CLSTN2: variants seen among roughly 807,000 people sequenced by gnomAD.
The protein encoded by CLSTN2 is calsyntenin-2.
A neutral mutation model predicts 101.2 loss-of-function variants in CLSTN2; 48 were observed. That is an observed-to-expected ratio of 0.47 (90% CI 0.38 to 0.60). The LOEUF (loss-of-function observed/expected upper bound fraction) is 0.60. Ranked by LOEUF, CLSTN2 falls within the 20% of genes least tolerant of loss-of-function variation. The pLI is 0.00. For synonymous variants in CLSTN2, 481 were observed against 463.6 expected (o/e 1.04, Z -0.48); for missense variants, 1,160 against 1,238.2 (o/e 0.94, Z 0.95).
At chr3:140,103,956 A>G (rs2009010793) in intron 1 of CLSTN2, among the ~76,000 whole-genome samples, 1 of 152,228 alleles carries the variant, frequency 6.6e-6, no homozygotes, top group African/African-American at 2.4e-5. Flanking sequence ...CTAGGACATG[A>G]TTGATGGAGA....
chr3:140,463,461 G>C (rs1279345464), intron 7 of CLSTN2, among the ~76,000 whole-genome samples: 1 of 152,144 alleles, frequency 6.6e-6, no homozygotes, highest in African/African-American at 2.4e-5. Context: ...CACTTACAGA[G>C]GTACCCAGAA....
chr3:140,095,164 C>T (rs1245548950), intron 1 of CLSTN2, among the ~76,000 whole-genome samples: 1 of 152,182 alleles, frequency 6.6e-6, no homozygotes, highest in Non-Finnish European at 1.5e-5. Flanking sequence ...CAACACCGTA[C>T]CAGAGCTGCT....
At chr3:140,506,368 C>G (rs1934683814) in intron 8 of CLSTN2, among the ~76,000 whole-genome samples, 1 of 152,122 alleles carries the variant, frequency 6.6e-6, no homozygotes, top group African/African-American at 2.4e-5. Flanking sequence ...TTCTCCTTTA[C>G]ACAGCATGAA....
chr3:140,478,803 G>A (rs1478107142), intron 8 of CLSTN2, among the ~76,000 whole-genome samples: 1 of 150,246 alleles, frequency 6.7e-6, no homozygotes, highest in African/African-American at 2.5e-5. Context: ...AGGGAAGAAG[G>A]GAGGAAGGGA....
intron 1 of CLSTN2, among the ~76,000 whole-genome samples, chr3:139,987,026 G>A (rs1936036395): frequency 7.5e-6 from 1 of 133,768 alleles, no homozygotes; most frequent in African/African-American, 2.5e-5. Flanking sequence ...GTAGCTTGAT[G>A]CTGTTAAAAA....
Position 140,563,941 on chromosome 3 carries a change from G to A in CLSTN2, c.2483-20G>A, listed in dbSNP as rs1234733253. 17 of 1,611,294 alleles carry A rather than the reference G, an allele frequency of 1.1e-5. No individual in the cohort carries two copies. Among genetic ancestry groups the A allele is most frequent in the Middle Eastern group, 1.7e-4 (1 of 6,036 alleles). ...TAGGCCTTTGTTCACCATGTCATGC[G>A]AGTTTTTTCCTTGTTCCAGTGGTCC... is the stretch of plus-strand genomic sequence containing the variant. On this transcript the variant is annotated intron_variant, in intron 15 of 16. Transcript: ENST00000458420.
In CLSTN2 at chr3:140,404,653, A is replaced by G. The variant is rs150691200; in HGVS notation, c.524A>G (p.Tyr175Cys). Residue 175 changes from tyrosine (Y) to cysteine (C), a missense_variant, in exon 4 of 17, where the codon TAT becomes TGT. Coordinates refer to ENST00000458420, the MANE Select transcript of CLSTN2 (RefSeq NM_022131.3). ...GCTGTTGTGACGGAGGGCAAGATCT[A>G]TGACAGCATTCTGCAGGTGGAGGCC... ...YKAVVTEGKI[Y>C]DSILQVEAID... 3.7e-6 allele frequency: 6 copies of G among 1,614,098 alleles called. No individual in the cohort carries two copies. The highest frequency in any genetic ancestry group is 1.3e-5 in the African/African-American group (1 of 74,946).
chr3:140,060,260 G>A (rs1560082801), intron 1 of CLSTN2, among the ~76,000 whole-genome samples: 1 of 152,198 alleles, frequency 6.6e-6, no homozygotes, highest in African/African-American at 2.4e-5. Context: ...CAGATGGTAG[G>A]AGAGTAAACT....
chr3:140,546,296 C>T (rs1196003389), intron 9 of CLSTN2, among the ~76,000 whole-genome samples: 1 of 152,190 alleles, frequency 6.6e-6, no homozygotes, highest in Admixed American at 6.5e-5. Context: ...TCAGAAATGC[C>T]AGGATTCCTA....
chr3:140,463,612 G>A (rs138763628), intron 7 of CLSTN2, among the ~76,000 whole-genome samples: 1 of 152,200 alleles, frequency 6.6e-6, no homozygotes, highest in Admixed American at 6.5e-5. Flanking sequence ...TCCTGGAAAG[G>A]CCTGACTCAT....
chr3:140,242,603 G>C (rs143494292), intron 2 of CLSTN2, among the ~76,000 whole-genome samples: 1 of 152,234 alleles, frequency 6.6e-6, no homozygotes, highest in Non-Finnish European at 1.5e-5. Context: ...GGAACTACAG[G>C]GTTTTATGGA....
rs1576558921 is a variant in CLSTN2 at position 140,422,478 on chromosome 3, G to A, written c.787+1204G>A. ...GCAGTTCTCAAAGCACTCCTCCCTT[G>A]CACAACTTGATCTCCCTAAAACTTA... On this transcript the variant is annotated intron_variant, in intron 5 of 16. Transcript: ENST00000458420. Among the ~76,000 whole-genome samples the A allele has an allele frequency of 2.6e-5, 4 of 152,252 alleles. No individual in the cohort carries two copies. In the South Asian group the frequency reaches 8.3e-4, roughly 32 times the overall value.
chr3:139,958,255 CCA>C (rs1935446398), intron 1 of CLSTN2, among the ~76,000 whole-genome samples: 1 of 152,260 alleles, frequency 6.6e-6, no homozygotes, highest in East Asian at 1.9e-4. Context: ...TCCTATGTCT[CCA>C]CAGTCATCAA....
chr3:140,246,125 A>G (rs551256894), intron 2 of CLSTN2, among the ~76,000 whole-genome samples: 3 of 152,324 alleles, frequency 2.0e-5, no homozygotes, highest in South Asian at 2.1e-4. Flanking sequence ...TTTATGAACC[A>G]AGAATGACAC....
chr3:140,370,037 GT>G (rs2087833652), intron 2 of CLSTN2, among the ~76,000 whole-genome samples: 1 of 152,252 alleles, frequency 6.6e-6, no homozygotes, highest in Admixed American at 6.5e-5. Context: ...TTCAGGGCAA[GT>G]TAACTTTCAC....
At chr3:139,957,915 G>T (rs943468423) in intron 1 of CLSTN2, among the ~76,000 whole-genome samples, 2 of 152,166 alleles carry the variant, frequency 1.3e-5, no homozygotes, top group African/African-American at 4.8e-5. Flanking sequence ...ATCGCCGGGC[G>T]ATCCCCTGTG....
intron 2 of CLSTN2, among the ~76,000 whole-genome samples, chr3:140,231,332 C>A (rs2086370127): frequency 6.6e-6 from 1 of 152,122 alleles, no homozygotes; most frequent in South Asian, 2.1e-4. Flanking sequence ...TAAATCCCAA[C>A]TCTCTAAGTT....
chr3:139,964,457 C>A (rs1316109597), intron 1 of CLSTN2, among the ~76,000 whole-genome samples: 1 of 152,146 alleles, frequency 6.6e-6, no homozygotes, highest in Non-Finnish European at 1.5e-5. Flanking sequence ...TATGGAGAGT[C>A]AGAGGAAGCT....
intron 9 of CLSTN2, among the ~76,000 whole-genome samples, chr3:140,541,631 T>C (rs1374345107): frequency 3.9e-5 from 6 of 152,192 alleles, no homozygotes; most frequent in Non-Finnish European, 8.8e-5. Flanking sequence ...TCCATCTGCC[T>C]AGATGTACCA....
Sources: allele counts gnomAD v4.1 joint callset (sites outside exome capture counted in the v4.1 genomes callset), GRCh38; gene constraint gnomAD v4.1.1; transcripts MANE v1.5; gene names NCBI Gene and HGNC (gene_info 2026-07-23, HGNC 2026-07-21).